Variants in PDE1C observed in about 807,000 individuals in gnomAD.
PDE1C encodes dual specificity calcium/calmodulin-dependent 3',5'-cyclic nucleotide phosphodiesterase 1C.
Under a neutral mutation model 93.1 loss-of-function variants are expected in PDE1C, and 62 were observed. The observed-to-expected ratio is 0.67, with a 90% CI of 0.54 to 0.82. The LOEUF is 0.82. Ranked by LOEUF, PDE1C falls within the 40% of genes least tolerant of loss-of-function variation. PDE1C has a pLI of 0.00. For missense variants in PDE1C, 742 were observed against 884.6 expected, an observed-to-expected ratio of 0.84 and a Z score of 2.04; for synonymous variants, 325 against 310.1, an observed-to-expected ratio of 1.05 and a Z score of -0.50.
chr7:31,866,019 A>T (rs533877601), intron 6 of PDE1C, among the ~76,000 whole-genome samples: 53 of 152,290 alleles, frequency 3.5e-4, no homozygotes, highest in Non-Finnish European at 6.3e-4. Context: ...TATGTATAAT[A>T]TACATGCCTT....
At chr7:31,625,754 CTAAACT>C in the PDE1C span, among the ~76,000 whole-genome samples, 1 of 151,598 alleles carries the variant, frequency 6.6e-6, no homozygotes, top group Non-Finnish European at 1.5e-5. Flanking sequence ...CACATGTACC[CTAAACT>C]TAAAGTATAA....
chr7:31,829,969 G>A (rs375535021), intron 11 of PDE1C, among the ~76,000 whole-genome samples: 1 of 152,148 alleles, frequency 6.6e-6, no homozygotes, highest in African/African-American at 2.4e-5. Flanking sequence ...AATGGGGAGG[G>A]TGTGAACACT....
intron 2 of PDE1C, among the ~76,000 whole-genome samples, chr7:32,039,145 G>C (rs1032543182): frequency 1.3e-5 from 2 of 152,078 alleles, no homozygotes; most frequent in African/African-American, 4.8e-5. Context: ...TGGGGCTTCT[G>C]TTTACCCAGC....
chr7:32,000,494 G>A (rs1563169946), intron 2 of PDE1C, among the ~76,000 whole-genome samples: 1 of 152,176 alleles, frequency 6.6e-6, no homozygotes, highest in Non-Finnish European at 1.5e-5. Context: ...AGGCAGGAGA[G>A]TGGTATGGGA....
chr7:32,068,876 C>CACAACAAACTTTCTGTGTGCAGCACAAT (rs1339621863), intron 1 of PDE1C, among the ~76,000 whole-genome samples: 51 of 152,308 alleles, frequency 3.3e-4, no homozygotes, highest in African/African-American at 1.2e-3. Flanking sequence ...ACTTTGTGGA[C>CACAACAAACTTTCTGTGTGCAGCACAAT]ACAACAAACT....
chr7:32,077,864 T>C (rs1796440517), intron 3 of PDE1C: 4 of 985,148 alleles, frequency 4.1e-6, no homozygotes, highest in Admixed American at 6.1e-5. Flanking sequence ...TTATTATTAT[T>C]ATTACCTCCA....
At chr7:32,043,266 T>G (rs1208268243) in intron 2 of PDE1C, among the ~76,000 whole-genome samples, 1 of 152,202 alleles carries the variant, frequency 6.6e-6, no homozygotes, top group Non-Finnish European at 1.5e-5. Flanking sequence ...CTGCTGCTGC[T>G]GGAAGTTGAA....
the PDE1C span, among the ~76,000 whole-genome samples, chr7:31,720,409 G>A: frequency 6.6e-6 from 1 of 152,108 alleles, no homozygotes; most frequent in Non-Finnish European, 1.5e-5. Context: ...TGCCTACATC[G>A]TAAGCGTCTC....
chr7:32,086,533 G>T (rs932578613), intron 3 of PDE1C, among the ~76,000 whole-genome samples: 1 of 151,878 alleles, frequency 6.6e-6, no homozygotes, highest in Non-Finnish European at 1.5e-5. Flanking sequence ...CCAAAAAAGA[G>T]CCTGCATCGC....
chr7:32,124,607 A>T lies in PDE1C; in HGVS notation c.308+45178T>A, dbSNP rs550689292. 3.9e-5 allele frequency among the ~76,000 whole-genome samples: 6 copies of T among 152,338 alleles called. No individual in the cohort carries two copies. The South Asian group carries it at 6.2e-4, about 16-fold the overall frequency. Reference sequence around the variant, plus strand: ...GACAAAAACAAGCAATGAGGAAAGGATCTCCTATCCAATAAGTGGTGCTAG... The same window carrying T: ...GACAAAAACAAGCAATGAGGAAAGGTTCTCCTATCCAATAAGTGGTGCTAG... On this transcript the variant is annotated intron_variant, in intron 3 of 18. Transcript: ENST00000396193.
intron 2 of PDE1C, among the ~76,000 whole-genome samples, chr7:31,992,052 T>C (rs770702014): frequency 2.0e-5 from 3 of 152,354 alleles, no homozygotes; most frequent in Non-Finnish European, 2.9e-5. Flanking sequence ...CTGATCAGCA[T>C]GGCCTGAAAA....
At chr7:31,719,782 A>G in the PDE1C span, among the ~76,000 whole-genome samples, 2 of 152,146 alleles carry the variant, frequency 1.3e-5, no homozygotes, top group African/African-American at 4.8e-5. Flanking sequence ...TAAAGCTTCT[A>G]CTCCGAAAGA....
chr7:31,783,580 A>G (rs1343245169), intron 16 of PDE1C: 1 of 152,006 alleles, frequency 6.6e-6, no homozygotes, highest in Non-Finnish European at 1.5e-5. Flanking sequence ...ACAAGTACTT[A>G]TGCATTACTA....
rs74491569 is a variant in PDE1C at position 31,941,284 on chromosome 7, C to T, written c.129-60424G>A. The T allele has an allele frequency of 6.5e-3, 1,031 of 159,060 alleles. 13 individuals are homozygous for T. Among genetic ancestry groups the T allele is most frequent in the African/African-American group, 0.024 (982 of 41,668 alleles). The allele number at this position is 159,060 out of a possible 1,614,324, so 9.9% of individuals were successfully genotyped here. Reference sequence around the variant, plus strand: ...CTGACTGGAGGGACCTGTTCACCAACACTGTCTTCACCCTAGGGTCAAGTC... The same window carrying T: ...CTGACTGGAGGGACCTGTTCACCAATACTGTCTTCACCCTAGGGTCAAGTC... On this transcript the variant is annotated intron_variant, in intron 2 of 17. Transcript: ENST00000396191.
chr7:31,928,803 A>G (rs989354705), intron 2 of PDE1C, among the ~76,000 whole-genome samples: 3 of 152,198 alleles, frequency 2.0e-5, no homozygotes, highest in Non-Finnish European at 4.4e-5. Flanking sequence ...ATGGAAAGGA[A>G]AAACTGGTAC....
At position 32,296,619 on chromosome 7, in the gene PDE1C, A is replaced by G. The variant is rs139725656; in HGVS notation, c.85+2032T>C. 7.7e-4 allele frequency among the ~76,000 whole-genome samples: 118 copies of G among 152,324 alleles called. 1 individual carries two copies. The highest frequency in any genetic ancestry group is 2.7e-3 in the African/African-American group (111 of 41,572). On this transcript the variant is annotated intron_variant, in intron 1 of 18. Transcript: ENST00000396193. ...CCAGACCATACCAATCTGCTAGACC[A>G]ACTCTTCTAACAGAAAGGGAAAATG... is the stretch of plus-strand genomic sequence containing the variant.
intron 2 of PDE1C, among the ~76,000 whole-genome samples, chr7:32,031,220 T>C (rs1411014859): frequency 3.9e-5 from 6 of 152,202 alleles, no homozygotes; most frequent in Non-Finnish European, 8.8e-5. Context: ...AAATAAAATC[T>C]CTAACACATG....
At chr7:32,045,899 TG>T (rs1377315491) in intron 2 of PDE1C, among the ~76,000 whole-genome samples, 1 of 152,160 alleles carries the variant, frequency 6.6e-6, no homozygotes, top group Non-Finnish European at 1.5e-5. Flanking sequence ...AGGTGGCTGT[TG>T]ATGATGACTT....
chr7:31,786,036 A>G (rs753753684), intron 16 of PDE1C: 9 of 152,232 alleles, frequency 5.9e-5, no homozygotes, highest in Non-Finnish European at 1.2e-4. Flanking sequence ...TCATTATTGC[A>G]ACATTATGTT....
Sources: gnomAD v4.1 joint callset for allele counts (sites outside exome capture counted in the v4.1 genomes callset) on GRCh38, gnomAD v4.1.1 for gene constraint, MANE v1.5 for transcripts, NCBI Gene and HGNC (gene_info 2026-07-23, HGNC 2026-07-21) for gene names.